The following METTL15 variants were observed in gnomAD, a reference collection of about 807,000 sequenced individuals.
The protein encoded by METTL15 is 12S rRNA N(4)-cytidine methyltransferase METTL15.
In METTL15, 34 loss-of-function variants were observed where a neutral mutation model predicts 38.3. The ratio of observed to expected loss-of-function variants is 0.89; its 90% confidence interval spans 0.68 to 1.18. The LOEUF (loss-of-function observed/expected upper bound fraction) is 1.18. METTL15 is among the 50% of genes most tolerant of loss of function. The pLI is 0.00. For missense variants in METTL15, 438 were observed against 498.4 expected (o/e 0.88, Z 1.15); for synonymous variants, 162 against 170.9 (o/e 0.95, Z 0.41).
downstream of METTL15, among the ~76,000 whole-genome samples, chr11:28,527,735 A>C (rs776776192): frequency 2.5e-4 from 38 of 152,340 alleles, no homozygotes; most frequent in Non-Finnish European, 5.4e-4. Context: ...CTGACAAAAG[A>C]AGTAGGTGCT....
chr11:28,294,952 G>A (rs888806598), intron 5 of METTL15, among the ~76,000 whole-genome samples: 40 of 151,890 alleles, frequency 2.6e-4, no homozygotes, highest in Admixed American at 2.2e-3. Flanking sequence ...ATCCATACTC[G>A]TCATAATATT....
At chr11:28,333,800 C>CA (rs1299541419), downstream of METTL15, among the ~76,000 whole-genome samples, 1 of 151,764 alleles carries the variant, frequency 6.6e-6, no homozygotes, top group Non-Finnish European at 1.5e-5. Context: ...TGTTGTGCTA[C>CA]AAGCAGTAGT....
intron 3 of METTL15, among the ~76,000 whole-genome samples, chr11:28,208,178 T>G (rs1002183060): frequency 3.9e-5 from 6 of 152,170 alleles, no homozygotes; most frequent in African/African-American, 1.4e-4. Flanking sequence ...CTCTTGCTTT[T>G]CTAGTTCTTT....
chr11:28,222,254 G>A (rs577506963), intron 4 of METTL15, among the ~76,000 whole-genome samples: 96 of 152,262 alleles, frequency 6.3e-4, no homozygotes, highest in Middle Eastern at 3.4e-3. Context: ...CAGCAATGGC[G>A]GGCGCCCCTC....
chr11:28,370,938 T>C (rs972880170), intron 5 of METTL15, among the ~76,000 whole-genome samples: 2 of 152,074 alleles, frequency 1.3e-5, no homozygotes, highest in African/African-American at 4.8e-5. Context: ...GCTCCTTATG[T>C]ATTCTGGTTA....
chr11:28,434,477 C>G (rs1850964089), intron 6 of METTL15, among the ~76,000 whole-genome samples: 1 of 152,220 alleles, frequency 6.6e-6, no homozygotes, highest in Non-Finnish European at 1.5e-5. Context: ...GTAGTCACCT[C>G]TCTGCTATTC....
At chr11:28,529,379 G>T (rs373541284), downstream of METTL15, among the ~76,000 whole-genome samples, 53 of 152,060 alleles carry the variant, frequency 3.5e-4, no homozygotes, top group African/African-American at 1.3e-3. Context: ...AACTTGAGAT[G>T]TATCATTTTA....
rs1285880430 is a variant in METTL15, at chr11:28,332,762, CT to C, written c.*1922del. 1 of 151,832 alleles carries C rather than the reference CT, an allele frequency of 6.6e-6. No individual in the cohort carries two copies. Among genetic ancestry groups the C allele is most frequent in the African/African-American group, 2.4e-5 (1 of 41,182 alleles). 9.4% of individuals were successfully genotyped at this position (151,832 alleles called of 1,614,324 possible). A position where few individuals can be genotyped will look rare whatever the true frequency, so the allele number is the denominator to read the frequency against. On this transcript the variant is annotated 3_prime_UTR_variant, in exon 7 of 7. Coordinates refer to ENST00000407364, the MANE Select transcript of METTL15 (RefSeq NM_001113528.2). ...TGAGGCTGAGGAGTTCAAGACCAGC[CT>C]GGCCAACATGGCGAAAACCCATCTC...
intron 4 of METTL15, among the ~76,000 whole-genome samples, chr11:28,236,259 T>G (rs1265005154): frequency 6.6e-6 from 1 of 152,198 alleles, no homozygotes; most frequent in African/African-American, 2.4e-5. Flanking sequence ...GATATTGGTC[T>G]AAAATTCTCT....
intron 6 of METTL15, among the ~76,000 whole-genome samples, chr11:28,520,926 T>C (rs1285308702): frequency 6.6e-6 from 1 of 152,248 alleles, no homozygotes; most frequent in East Asian, 1.9e-4. Flanking sequence ...GAAAACAGTT[T>C]ATTTTCTTTG....
chr11:28,224,017 AT>A (rs1264952151), intron 4 of METTL15, among the ~76,000 whole-genome samples: 2 of 152,050 alleles, frequency 1.3e-5, no homozygotes, highest in Non-Finnish European at 1.5e-5. Flanking sequence ...TTTTACTATA[AT>A]TTTGTTTCTA....
intron 3 of METTL15, among the ~76,000 whole-genome samples, chr11:28,133,801 A>G (rs377206738): frequency 6.6e-6 from 1 of 152,146 alleles, no homozygotes; most frequent in African/African-American, 2.4e-5. Context: ...AAGAGACCCC[A>G]AGTTAGAATC....
intron 4 of METTL15, among the ~76,000 whole-genome samples, chr11:28,273,827 AAG>A (rs1208714115): frequency 3.9e-5 from 6 of 152,050 alleles, no homozygotes; most frequent in Non-Finnish European, 5.9e-5. Context: ...ACAGACCAAA[AAG>A]GAATGCTGTA....
intron 3 of METTL15, among the ~76,000 whole-genome samples, chr11:28,347,263 C>T (rs2133358539): frequency 6.6e-6 from 1 of 152,250 alleles, no homozygotes; most frequent in South Asian, 2.1e-4. Flanking sequence ...TAGTTCCTAC[C>T]AATGGTAAAG....
intron 3 of METTL15, among the ~76,000 whole-genome samples, chr11:28,179,615 A>G (rs1851209940): frequency 6.6e-6 from 1 of 151,798 alleles, no homozygotes; most frequent in Non-Finnish European, 1.5e-5. Context: ...TTCTTTTTTA[A>G]AATTGCAGTA....
At chr11:28,318,549 TAAC>T (rs1488127733) in intron 6 of METTL15, among the ~76,000 whole-genome samples, 4 of 152,292 alleles carry the variant, frequency 2.6e-5, no homozygotes, top group Middle Eastern at 3.4e-3. Flanking sequence ...AAGAAATGTA[TAAC>T]AACAAGTGTA....
chr11:28,374,147 G>A (rs948066845), intron 5 of METTL15, among the ~76,000 whole-genome samples: 1 of 152,060 alleles, frequency 6.6e-6, no homozygotes, highest in East Asian at 1.9e-4. Context: ...ATGGCGATGC[G>A]GGCTCTTTTT....
chr11:28,206,071 G>T (rs1269022294), intron 3 of METTL15, among the ~76,000 whole-genome samples: 3 of 145,762 alleles, frequency 2.1e-5, no homozygotes, highest in Non-Finnish European at 4.5e-5. Flanking sequence ...TGTTCACTCT[G>T]ATGGTAGTTT....
In METTL15 at chr11:28,514,457, G is replaced by T. The variant is rs76597946; in HGVS notation, c.*425-12021G>T. Among the ~76,000 whole-genome samples the T allele has an allele frequency of 5.5e-3, 841 of 152,328 alleles. 7 individuals carry two copies. Among genetic ancestry groups the T allele is most frequent in the African/African-American group, 0.02 (812 of 41,562 alleles). The stretch of plus-strand genomic sequence containing the variant: ...GCTAAGGAAATGGAGCCAGAGTCCT[G>T]AACGAACTATTTCTAAATTCCATAC... On this transcript the variant is annotated intron_variant and NMD_transcript_variant, in intron 6 of 7. Coordinates refer to the METTL15 transcript ENST00000532947.
Sources: allele counts gnomAD v4.1 joint callset (sites outside exome capture counted in the v4.1 genomes callset), GRCh38; gene constraint gnomAD v4.1.1; transcripts MANE v1.5; gene names NCBI Gene and HGNC (gene_info 2026-07-23, HGNC 2026-07-21).